The following LIPM variants were observed in gnomAD, a reference collection of about 807,000 sequenced individuals.
The protein encoded by LIPM is lipase family member M, also known as lipase member M.
In LIPM, 42 loss-of-function variants were observed where a neutral mutation model predicts 42.4. That is an observed-to-expected ratio of 0.99 (90% CI 0.77 to 1.28). The LOEUF (loss-of-function observed/expected upper bound fraction) is 1.28. LIPM is among the 50% of genes most tolerant of loss of function. The probability of loss-of-function intolerance (pLI) is 0.00; values close to 1 mark genes in which losing one functional copy is unlikely to be tolerated. For missense variants in LIPM, 524 were observed against 520.1 expected, an observed-to-expected ratio of 1.01 and a Z score of -0.07; for synonymous variants, 177 against 173.3, an observed-to-expected ratio of 1.02 and a Z score of -0.17.
At position 88,815,118 on chromosome 10, in the gene LIPM, T is replaced by C. The variant is rs1249586783; in HGVS notation, c.605T>C (p.Leu202Pro). The change falls in exon 5 of 9, where the codon CTG becomes CCG. Residue 202 changes from leucine (L) to proline (P), a missense_variant. Transcript: ENST00000404743. ...GFIAFSTMPELAQKIKMYFAL... is the reference protein window; with the variant it reads ...GFIAFSTMPEPAQKIKMYFAL... ...ATTGCATTTTCCACCATGCCAGAGCTGGCTCAGAAAATCAAAATGTATTTT... is the reference window on the plus strand; with the variant it reads ...ATTGCATTTTCCACCATGCCAGAGCCGGCTCAGAAAATCAAAATGTATTTT... 6.4e-7 allele frequency: 1 copy of C among 1,550,656 alleles called. No homozygotes were observed. Among genetic ancestry groups the C allele is most frequent in the Non-Finnish European group, 8.7e-7 (1 of 1,146,696 alleles).
At chr10:88,816,993 C>A (rs1843725574) in intron 7 of LIPM, 106 bp downstream of exon 7, 1 of 854,728 alleles carries the variant, frequency 1.2e-6, no homozygotes, top group Non-Finnish European at 1.9e-6. Context: ...CACACTTATT[C>A]TAAGATGAAA....
At chr10:88,807,449 T>C (rs79804210) in intron 1 of LIPM, among the ~76,000 whole-genome samples, 2,692 of 152,282 alleles carry the variant, frequency 0.018, 78 homozygotes, top group African/African-American at 0.061. Context: ...GTTCTCTCCT[T>C]CTCTCTGAGT....
At chr10:88,809,390 A>G (rs184911585) in intron 2 of LIPM, among the ~76,000 whole-genome samples, 1 of 152,122 alleles carries the variant, frequency 6.6e-6, no homozygotes, top group East Asian at 1.9e-4. Context: ...TTTCATTTCT[A>G]TTTGGCTGGA....
chr10:88,810,776 A>G (rs1843645323), intron 2 of LIPM, among the ~76,000 whole-genome samples: 1 of 152,166 alleles, frequency 6.6e-6, no homozygotes, highest in Admixed American at 6.5e-5. Flanking sequence ...GATATAAATG[A>G]GCCATTCCTC....
chr10:88,807,027 A>G (rs1448624777), intron 1 of LIPM, among the ~76,000 whole-genome samples: 1 of 152,168 alleles, frequency 6.6e-6, no homozygotes, highest in Non-Finnish European at 1.5e-5. Flanking sequence ...ATGGTGTCTC[A>G]CACACATACA....
At chr10:88,804,301 G>A (rs1233096027) in intron 1 of LIPM, among the ~76,000 whole-genome samples, 1 of 152,086 alleles carries the variant, frequency 6.6e-6, no homozygotes, top group African/African-American at 2.4e-5. Flanking sequence ...GATCTTCCTG[G>A]GCCCCACCCA....
At position 88,815,434 on chromosome 10, in the gene LIPM, G is replaced by A. The variant is rs1843707287; in HGVS notation, c.789G>A (p.Val263=). ...RQLVIYLCGQ[V]ILDQICSNIM... ...TTGTTATTTACCTTTGTGGCCAGGT[G>A]ATTCTTGATCAGATTTGTAGTAATA... is the stretch of plus-strand genomic sequence containing the variant. Residue 263 remains valine, a synonymous_variant, in exon 6 of 9, where the codon GTG becomes GTA. Coordinates refer to ENST00000404743, the MANE Select transcript of LIPM (RefSeq NM_001128215.1). The A allele has an allele frequency of 1.0e-5, 16 of 1,551,494 alleles. No homozygotes were observed. In the East Asian group the frequency reaches 3.9e-4, roughly 38 times the overall value.
At position 88,808,377 on chromosome 10, in the gene LIPM, AC is replaced by A. The variant is rs1564595606; in HGVS notation, c.228del (p.Asn76LysfsTer7). 6.4e-7 allele frequency: 1 copy of A among 1,551,620 alleles called. No homozygotes were observed. The highest frequency in any genetic ancestry group is 1.2e-5 in the South Asian group (1 of 84,044). On this transcript the variant is annotated frameshift_variant, in exon 2 of 9. Transcript: ENST00000404743. LOFTEE classifies it high-confidence loss of function. ...ATEDGYILSV[N>X]RIPRGLVQPK... ...GAAGATGGGTATATCCTTTCTGTTA[AC>A]AGGATTCCTCGAGGCCTAGTGCAAC...
rs1843777163 is a variant in LIPM at position 88,820,445 on chromosome 10, C to T, written c.1216C>T (p.Leu406=). 1 of 1,552,034 alleles carries T rather than the reference C, an allele frequency of 6.4e-7. No individual in the cohort carries two copies. The highest frequency in any genetic ancestry group is 1.4e-5 in the African/African-American group (1 of 73,176). Residue 406 remains leucine (L), a synonymous_variant, in exon 9 of 9, where the codon CTG becomes TTG. Transcript: ENST00000404743. ...PHRMYNEIIH[L]MQQEETNLSQ... ...CCGTATGTACAATGAAATCATCCAT[C>T]TGATGCAGCAGGAGGAGACCAACCT... is the stretch of plus-strand genomic sequence containing the variant.
At chr10:88,814,155 A>G (rs77968664) in intron 3 of LIPM, among the ~76,000 whole-genome samples, 1,750 of 152,334 alleles carry the variant, frequency 0.011, 30 homozygotes, top group African/African-American at 0.039. Context: ...TATGGCTATC[A>G]GAGACGGACC....
In LIPM at chr10:88,814,774, A is replaced by G. The variant is rs76539633; in HGVS notation, c.574+135A>G. 4,693 of 700,768 alleles carry G rather than the reference A, an allele frequency of 6.7e-3. 127 individuals carry two copies. Among genetic ancestry groups the G allele is most frequent in the East Asian group, 0.059 (2,175 of 36,984 alleles). The allele number at this position is 700,768 out of a possible 1,614,324, so 43.4% of individuals were successfully genotyped here. ...TCTTCAGAATCATGTAGTCCCCAGC[A>G]ATGTGTCTAGCATATAGACATATGT... On this transcript the variant is annotated intron_variant, in intron 4 of 8. Coordinates refer to ENST00000404743, the MANE Select transcript of LIPM (RefSeq NM_001128215.1).
chr10:88,808,174 A>G (rs1205721168), intron 1 of LIPM, 124 bp from the exon 2 acceptor site: 1 of 610,596 alleles, frequency 1.6e-6, no homozygotes, highest in Non-Finnish European at 3.0e-6. Flanking sequence ...TAACATGATT[A>G]GCTAGGGAAA....
chr10:88,805,202 C>G (rs1843571666), intron 1 of LIPM, among the ~76,000 whole-genome samples: 1 of 152,098 alleles, frequency 6.6e-6, no homozygotes, highest in East Asian at 1.9e-4. Flanking sequence ...TATAGTCCAG[C>G]AGGAAGGACA....
intron 2 of LIPM, among the ~76,000 whole-genome samples, chr10:88,810,696 G>A (rs921386364): frequency 1.3e-5 from 2 of 152,166 alleles, no homozygotes; most frequent in Non-Finnish European, 2.9e-5. Context: ...TGACAGCTGT[G>A]TAAGTGTAGC....
chr10:88,813,153 A>T lies in LIPM; in HGVS notation c.322A>T (p.Ile108Phe). 1 of 1,612,192 alleles carries T rather than the reference A, an allele frequency of 6.2e-7. No individual in the cohort carries two copies. The highest frequency in any genetic ancestry group is 8.5e-7 in the Non-Finnish European group (1 of 1,179,008). ...CCTAGTTGGAGGTGCTAGCAACTGG[A>T]TTTCCAACCTGCCCAACAATAGCCT... ...HGLVGGASNW[I>F]SNLPNNSLGF... The change falls in exon 3 of 9, where the codon ATT becomes TTT. Residue 108 changes from isoleucine to phenylalanine, a missense_variant. Transcript: ENST00000404743.
At chr10:88,819,059 T>A (rs556287139) in intron 8 of LIPM, among the ~76,000 whole-genome samples, 23 of 151,996 alleles carry the variant, frequency 1.5e-4, no homozygotes, top group South Asian at 1.5e-3. Flanking sequence ...AGCTAATTTT[T>A]TTTTTGTACT....
intron 2 of LIPM, among the ~76,000 whole-genome samples, chr10:88,809,765 T>C (rs1176946057): frequency 6.6e-6 from 1 of 152,220 alleles, no homozygotes; most frequent in African/African-American, 2.4e-5. Context: ...TTTGTACTTG[T>C]GTAGCTTTTT....
chr10:88,811,617 C>A (rs937835469), intron 2 of LIPM, among the ~76,000 whole-genome samples: 36 of 152,178 alleles, frequency 2.4e-4, no homozygotes, highest in African/African-American at 8.4e-4. Context: ...TCTTATAATT[C>A]TTTATTTTGA....
intron 8 of LIPM, among the ~76,000 whole-genome samples, chr10:88,819,246 C>G (rs913141098): frequency 6.6e-6 from 1 of 152,128 alleles, no homozygotes; most frequent in East Asian, 1.9e-4. Context: ...GAAATTGATT[C>G]ATGCAGAATA....
Sources: gnomAD v4.1 joint callset for allele counts (sites outside exome capture counted in the v4.1 genomes callset) on GRCh38, gnomAD v4.1.1 for gene constraint, MANE v1.5 for transcripts, NCBI Gene and HGNC (gene_info 2026-07-23, HGNC 2026-07-21) for gene names.